ATP8B4: variants seen among roughly 807,000 people sequenced by gnomAD.
ATP8B4 encodes the protein probable phospholipid-transporting ATPase IM.
In ATP8B4, 133 loss-of-function variants were observed where a neutral mutation model predicts 145.6. The ratio of observed to expected loss-of-function variants is 0.91; its 90% CI spans 0.79 to 1.05. The LOEUF (loss-of-function observed/expected upper bound fraction) is 1.05, where lower values mean the gene tolerates loss of function less well. Among genes scored for constraint, ATP8B4 ranks in the 50% least tolerant of loss-of-function variants. The pLI is 0.00. For synonymous variants in ATP8B4, 507 were observed against 492.9 expected (o/e 1.03, Z -0.38); for missense variants, 1,458 against 1,425.2 (o/e 1.02, Z -0.37).
chr15:50,157,764 C>T (rs971254197), intron 1 of ATP8B4, among the ~76,000 whole-genome samples: 4 of 152,110 alleles, frequency 2.6e-5, no homozygotes, highest in Non-Finnish European at 5.9e-5. Flanking sequence ...TCCCCACGGT[C>T]TCCCTCTCCC....
rs1158074308 is a variant in ATP8B4, at chr15:49,918,838, C to T, written c.2035+1G>A. 6.3e-6 allele frequency: 10 copies of T among 1,593,592 alleles called. No individual in the cohort carries two copies. Among genetic ancestry groups the T allele is most frequent in the Non-Finnish European group, 7.7e-6 (9 of 1,165,174 alleles). On this transcript the variant is annotated splice_donor_variant, in intron 19 of 27. Coordinates refer to ENST00000284509, the MANE Select transcript of ATP8B4 (RefSeq NM_024837.4). LOFTEE classifies it high-confidence loss of function. ...ATCATCAACATCCATTTTCAAGTTA[C>T]CTTGTTTGTCTCCTGTTAGGACCCA...
chr15:50,093,172 C>A (rs1600332850), intron 2 of ATP8B4, among the ~76,000 whole-genome samples: 1 of 151,442 alleles, frequency 6.6e-6, no homozygotes, highest in East Asian at 1.9e-4. Flanking sequence ...TGATAGAATT[C>A]ATTACCAGCA....
At chr15:49,886,878 C>T (rs1035118841) in intron 23 of ATP8B4, among the ~76,000 whole-genome samples, 8 of 151,682 alleles carry the variant, frequency 5.3e-5, no homozygotes, top group Non-Finnish European at 7.4e-5. Flanking sequence ...GGCACAATCT[C>T]GGCTCACTGC....
At chr15:50,054,735 G>A (rs1015182696) in intron 3 of ATP8B4, among the ~76,000 whole-genome samples, 2 of 132,564 alleles carry the variant, frequency 1.5e-5, no homozygotes, top group Admixed American at 1.8e-4. Flanking sequence ...AGTGAGCCGA[G>A]ATCGTGCCAC....
chr15:49,954,947 G>C (rs2043427375), intron 14 of ATP8B4, among the ~76,000 whole-genome samples: 1 of 152,100 alleles, frequency 6.6e-6, no homozygotes, highest in Non-Finnish European at 1.5e-5. Context: ...CGGTGGATAG[G>C]ATTAAGAAAA....
At chr15:50,162,098 T>C (rs2044528723) in intron 1 of ATP8B4, among the ~76,000 whole-genome samples, 1 of 152,136 alleles carries the variant, frequency 6.6e-6, no homozygotes, top group Admixed American at 6.5e-5. Flanking sequence ...CACTTTCTCC[T>C]GGCCTATAAA....
At chr15:49,924,527 TATTA>T (rs763360821) in intron 16 of ATP8B4, among the ~76,000 whole-genome samples, 4 of 152,230 alleles carry the variant, frequency 2.6e-5, no homozygotes, top group Non-Finnish European at 5.9e-5. Context: ...AAATGTTTAC[TATTA>T]TTTACTGTTA....
At chr15:50,152,536 A>G (rs2044361223) in intron 1 of ATP8B4, among the ~76,000 whole-genome samples, 1 of 152,188 alleles carries the variant, frequency 6.6e-6, no homozygotes, top group Non-Finnish European at 1.5e-5. Context: ...ACAAGATGAG[A>G]GATACAGTCC....
chr15:50,049,600 C>T (rs1182250581), intron 3 of ATP8B4, among the ~76,000 whole-genome samples: 5 of 152,028 alleles, frequency 3.3e-5, no homozygotes, highest in Admixed American at 6.6e-5. Context: ...TAAATAGTGC[C>T]GTAATGAACA....
intron 23 of ATP8B4, among the ~76,000 whole-genome samples, chr15:49,882,971 T>A (rs759772364): frequency 6.6e-6 from 1 of 152,174 alleles, no homozygotes; most frequent in Non-Finnish European, 1.5e-5. Flanking sequence ...CTTTTATAGT[T>A]ATAGCCCAGT....
At chr15:50,140,027 G>A (rs1423180444) in intron 1 of ATP8B4, among the ~76,000 whole-genome samples, 1 of 152,068 alleles carries the variant, frequency 6.6e-6, no homozygotes, top group African/African-American at 2.4e-5. Flanking sequence ...GGGGAATGAT[G>A]GAAGGGGAGC....
intron 25 of ATP8B4, among the ~76,000 whole-genome samples, chr15:49,874,671 C>T (rs1234691618): frequency 6.6e-6 from 1 of 152,116 alleles, no homozygotes; most frequent in African/African-American, 2.4e-5. Context: ...TCTTATAAAA[C>T]TTGGATAATC....
intron 2 of ATP8B4, among the ~76,000 whole-genome samples, chr15:50,097,173 T>C (rs1179215369): frequency 6.6e-6 from 1 of 152,160 alleles, no homozygotes; most frequent in East Asian, 1.9e-4. Context: ...GAAATAACAC[T>C]CTTTAAACAT....
At chr15:50,163,186 G>A (rs960338444) in intron 1 of ATP8B4, among the ~76,000 whole-genome samples, 7 of 152,220 alleles carry the variant, frequency 4.6e-5, no homozygotes, top group South Asian at 4.1e-4. Flanking sequence ...TGTGGAGTTT[G>A]TCAGTGACTA....
intron 1 of ATP8B4, among the ~76,000 whole-genome samples, chr15:50,153,404 T>C (rs2044371049): frequency 6.6e-6 from 1 of 150,760 alleles, no homozygotes; most frequent in South Asian, 2.1e-4. Context: ...AGTGGCACGA[T>C]CTCAGCTCAC....
chr15:50,063,019 T>C (rs2053136472), intron 3 of ATP8B4, among the ~76,000 whole-genome samples: 1 of 152,028 alleles, frequency 6.6e-6, no homozygotes. Context: ...AGTTCAGTTA[T>C]TCATTCTATC....
At chr15:50,002,068 T>C in intron 8 of ATP8B4, 85 bp downstream of exon 8, 2 of 1,138,158 alleles carry the variant, frequency 1.8e-6, no homozygotes, top group Non-Finnish European at 2.5e-6. Flanking sequence ...AAGAAGATAC[T>C]GAACAAGGTT....
At chr15:49,934,332 T>A (rs2041548887) in intron 14 of ATP8B4, 150 bp from the exon 15 acceptor site, 4 of 869,730 alleles carry the variant, frequency 4.6e-6, no homozygotes, top group African/African-American at 1.7e-5. Flanking sequence ...ATCATTACTG[T>A]TAAATATAAT....
chr15:50,119,807 T>C (rs529359858), upstream of ATP8B4, among the ~76,000 whole-genome samples: 5 of 138,934 alleles, frequency 3.6e-5, no homozygotes, highest in Non-Finnish European at 7.6e-5. Context: ...CTCTTATGGA[T>C]GAAAGCTAAG....
Sources: gnomAD v4.1 joint callset for allele counts (sites outside exome capture counted in the v4.1 genomes callset) on GRCh38, gnomAD v4.1.1 for gene constraint, MANE v1.5 for transcripts, NCBI Gene and HGNC (gene_info 2026-07-23, HGNC 2026-07-21) for gene names.